The following OXR1 variants were observed in gnomAD, a reference collection of about 807,000 sequenced individuals.
OXR1 encodes oxidation resistance protein 1.
OXR1 carries 41 observed loss-of-function variants against 104.6 expected under a neutral mutation model. The observed-to-expected ratio is 0.39, with a 90% CI of 0.31 to 0.51. OXR1 has a LOEUF of 0.51. OXR1 is among the 20% of genes least tolerant of loss of function. The pLI, the probability that OXR1 is intolerant of heterozygous loss-of-function variation, is 0.77. For synonymous variants in OXR1, 348 were observed against 348.4 expected (o/e 1.00, Z 0.01); for missense variants, 955 against 1,031.9 (o/e 0.93, Z 1.02).
At chr8:106,356,844 G>A (rs958308370) in intron 1 of OXR1, among the ~76,000 whole-genome samples, 1 of 152,056 alleles carries the variant, frequency 6.6e-6, no homozygotes, top group Non-Finnish European at 1.5e-5. Context: ...GTAGTAAGTT[G>A]CAGTAATGAC....
intron 3 of OXR1, among the ~76,000 whole-genome samples, chr8:106,592,283 A>G (rs1298196436): frequency 1.3e-5 from 2 of 152,202 alleles, no homozygotes; most frequent in African/African-American, 4.8e-5. Flanking sequence ...TAAATAAGAA[A>G]AAATCAATAA....
chr8:106,327,553 A>T (rs1814521312), intron 1 of OXR1, among the ~76,000 whole-genome samples: 2 of 152,276 alleles, frequency 1.3e-5, no homozygotes, highest in East Asian at 3.9e-4. Flanking sequence ...CCTGTTTTTG[A>T]TCTTCCTCAA....
chr8:106,588,579 C>T lies in OXR1; in HGVS notation c.220+69440C>T, dbSNP rs7460682. Among the ~76,000 whole-genome samples, 226 of 151,690 alleles carry T rather than the reference C, an allele frequency of 1.5e-3. 8 individuals are homozygous for T. Among genetic ancestry groups the T allele is most frequent in the Admixed American group, 0.014 (212 of 15,230 alleles). ...CTTGGCTCACTGCAACCTCTGCCTC[C>T]CGGGTTCAAGCAATTCTCCTGCCTC... On this transcript the variant is annotated intron_variant, in intron 3 of 16. Transcript: ENST00000517566.
At chr8:106,335,629 A>C (rs2130243649) in intron 1 of OXR1, among the ~76,000 whole-genome samples, 1 of 152,252 alleles carries the variant, frequency 6.6e-6, no homozygotes, top group East Asian at 1.9e-4. Flanking sequence ...AGAAAAAATA[A>C]AAAAAATTTT....
At chr8:106,540,545 T>C (rs1035194067) in intron 3 of OXR1, among the ~76,000 whole-genome samples, 7 of 152,236 alleles carry the variant, frequency 4.6e-5, no homozygotes, top group Non-Finnish European at 8.8e-5. Flanking sequence ...TTCTTTTCCC[T>C]CTAGTACTTC....
chr8:106,357,216 G>GTA (rs1288781910), intron 1 of OXR1, among the ~76,000 whole-genome samples: 1 of 151,742 alleles, frequency 6.6e-6, no homozygotes, highest in Admixed American at 6.6e-5. Flanking sequence ...GTGTGTGTGT[G>GTA]TGTATATATA....
At chr8:106,317,925 A>G (rs925712401) in intron 1 of OXR1, among the ~76,000 whole-genome samples, 1 of 152,164 alleles carries the variant, frequency 6.6e-6, no homozygotes, top group Non-Finnish European at 1.5e-5. Context: ...TCTGCTCATG[A>G]AAAAGGACAC....
At position 106,644,673 on chromosome 8, in the gene OXR1, G is replaced by A. The variant is rs557125373; in HGVS notation, c.221-34537G>A. Among the ~76,000 whole-genome samples, 27 of 152,194 alleles carry A rather than the reference G, an allele frequency of 1.8e-4. No individual in the cohort carries two copies. In the South Asian group the frequency reaches 5.0e-3, roughly 28 times the overall value. ...TAAAACACTGGCAGTTTTAAACAGC[G>A]CCTGTTCTTTGCACACGTATGTGAA... On this transcript the variant is annotated intron_variant, in intron 3 of 16. Transcript: ENST00000517566.
intron 1 of OXR1, among the ~76,000 whole-genome samples, chr8:106,337,789 T>G (rs1206763088): frequency 6.6e-6 from 1 of 152,208 alleles, no homozygotes; most frequent in Admixed American, 6.5e-5. Context: ...GAAATCACCT[T>G]TCTCTTATGT....
At chr8:106,324,729 T>C (rs931793797) in intron 1 of OXR1, among the ~76,000 whole-genome samples, 8 of 152,090 alleles carry the variant, frequency 5.3e-5, no homozygotes, top group African/African-American at 1.9e-4. Flanking sequence ...TGCCAGAAAC[T>C]CTGTATTGCC....
chr8:106,448,634 A>G (rs1820137514), intron 2 of OXR1, among the ~76,000 whole-genome samples: 2 of 152,190 alleles, frequency 1.3e-5, no homozygotes, highest in South Asian at 4.1e-4. Flanking sequence ...ATAATAGCAT[A>G]GGTCTAGCAA....
chr8:106,548,369 T>C (rs1280930172), intron 3 of OXR1, among the ~76,000 whole-genome samples: 3 of 152,144 alleles, frequency 2.0e-5, no homozygotes, highest in Non-Finnish European at 4.4e-5. Flanking sequence ...GTCCCTATGG[T>C]CATACAAGTA....
rs961993548 is a variant in OXR1, at chr8:106,270,356, G to A, written c.-150G>A. The A allele has an allele frequency of 6.6e-6, 1 of 152,426 alleles. No individual in the cohort carries two copies. The highest frequency in any genetic ancestry group is 1.5e-5 in the Non-Finnish European group (1 of 68,262). 9.4% of individuals were successfully genotyped at this position (152,426 alleles called of 1,614,324 possible). ...CCGCCGCTCACCGCAGCCCCCTCCT[G>A]GCGACCCGCAAGTAAGTTTGTGAGG... is the stretch of plus-strand genomic sequence containing the variant. On this transcript the variant is annotated 5_prime_UTR_variant, in exon 1 of 17. Coordinates refer to ENST00000517566, the MANE Select transcript of OXR1 (RefSeq NM_001198533.2).
At chr8:106,616,053 T>TTGG (rs1491277153) in intron 3 of OXR1, among the ~76,000 whole-genome samples, 1 of 84,938 alleles carries the variant, frequency 1.2e-5, no homozygotes, top group African/African-American at 4.4e-5. Flanking sequence ...TTTTTTTTTT[T>TTGG]GAGACGGAGT....
At chr8:106,499,379 G>C (rs1811628156) in intron 2 of OXR1, among the ~76,000 whole-genome samples, 1 of 152,140 alleles carries the variant, frequency 6.6e-6, no homozygotes. Flanking sequence ...TCCTAAGTCA[G>C]GGGAAAGAGT....
chr8:106,292,324 A>G (rs2130046290), intron 1 of OXR1, among the ~76,000 whole-genome samples: 1 of 152,322 alleles, frequency 6.6e-6, no homozygotes, highest in Non-Finnish European at 1.5e-5. Context: ...AACTAATCAC[A>G]TGCTGAAGTT....
chr8:106,487,101 G>T lies in OXR1; in HGVS notation c.24-31842G>T, dbSNP rs1810713582. 2.0e-5 allele frequency among the ~76,000 whole-genome samples: 3 copies of T among 147,672 alleles called. No individual in the cohort carries two copies. The Admixed American group carries it at 2.1e-4, about 10-fold the overall frequency. ...AGCAGTGGCAGGATCTCAGCTCACTGCAAACTTCACCTCCCGGGTTCAAGC... is the reference window on the plus strand; with the variant it reads ...AGCAGTGGCAGGATCTCAGCTCACTTCAAACTTCACCTCCCGGGTTCAAGC... On this transcript the variant is annotated intron_variant, in intron 2 of 16. Coordinates refer to ENST00000517566, the MANE Select transcript of OXR1 (RefSeq NM_001198533.2).
chr8:106,549,665 G>T (rs548075988), intron 3 of OXR1, among the ~76,000 whole-genome samples: 2 of 152,152 alleles, frequency 1.3e-5, no homozygotes, highest in Non-Finnish European at 2.9e-5. Flanking sequence ...CTGCAGATTT[G>T]ATGTCTGGTG....
chr8:106,289,791 C>A (rs759997950), intron 1 of OXR1, among the ~76,000 whole-genome samples: 1 of 152,140 alleles, frequency 6.6e-6, no homozygotes, highest in African/African-American at 2.4e-5. Context: ...TTCTCATAAT[C>A]CCCATGTGTC....
Sources: allele counts gnomAD v4.1 joint callset (sites outside exome capture counted in the v4.1 genomes callset), GRCh38; gene constraint gnomAD v4.1.1; transcripts MANE v1.5; gene names NCBI Gene and HGNC (gene_info 2026-07-23, HGNC 2026-07-21).